CLPTM1: variants seen among roughly 807,000 people sequenced by gnomAD.
The protein encoded by CLPTM1 is putative lipid scramblase CLPTM1.
Under a neutral mutation model 77.3 loss-of-function variants are expected in CLPTM1, and 21 were observed. The observed-to-expected ratio is 0.27, with a 90% CI of 0.19 to 0.39. The LOEUF (loss-of-function observed/expected upper bound fraction) is 0.39. Among genes scored for constraint, CLPTM1 ranks in the 10% least tolerant of loss-of-function variants. The probability of loss-of-function intolerance (pLI) is 1.00; values close to 1 mark genes in which losing one functional copy is unlikely to be tolerated. For synonymous variants in CLPTM1, 373 were observed against 381.0 expected (o/e 0.98, Z 0.24); for missense variants, 642 against 921.2 (o/e 0.70, Z 3.92).
rs146548818 is a variant in CLPTM1 at position 44,990,191 on chromosome 19, G to C, written c.1133-204G>C. On this transcript the variant is annotated intron_variant, in intron 9 of 13. Coordinates refer to ENST00000337392, the MANE Select transcript of CLPTM1 (RefSeq NM_001294.4). The surrounding 1 kb of genome is among the most constrained non-coding windows in gnomAD (Gnocchi z 4.8). ...GCTGACGTCCTATGGGAGGGCTCCA[G>C]GGGTGCCGCCTGTCTGGTGCTCTGG... is the stretch of plus-strand genomic sequence containing the variant. 320 of 587,980 alleles carry C rather than the reference G, an allele frequency of 5.4e-4. 5 individuals are homozygous for C. In the East Asian group the frequency reaches 8.7e-3, roughly 16 times the overall value. The allele number at this position is 587,980 out of a possible 1,614,324, so 36.4% of individuals were successfully genotyped here. A position where few individuals can be genotyped will look rare whatever the true frequency, so the allele number is the denominator to read the frequency against.
chr19:44,991,079 G>T lies in CLPTM1; in HGVS notation c.1419+134G>T. On this transcript the variant is annotated intron_variant, in intron 11 of 13. Coordinates refer to ENST00000337392, the MANE Select transcript of CLPTM1 (RefSeq NM_001294.4). This position sits in a 1 kb window ranked among gnomAD's most constrained non-coding sequence, Gnocchi z 5.4. Reference sequence around the variant, plus strand: ...GCCACATCCTCTGTGTCCCCCATCTGCCATAACTGCTTCCCTGGGCGAGTC... The same window carrying T: ...GCCACATCCTCTGTGTCCCCCATCTTCCATAACTGCTTCCCTGGGCGAGTC... The T allele has an allele frequency of 5.7e-6, 7 of 1,231,400 alleles. No individual in the cohort carries two copies. Among genetic ancestry groups the T allele is most frequent in the Non-Finnish European group, 7.6e-6 (7 of 915,530 alleles). 76.3% of individuals were successfully genotyped at this position (1,231,400 alleles called of 1,614,324 possible).
chr19:44,993,172 G>C lies in CLPTM1; in HGVS notation c.*275G>C, dbSNP rs561909227. On this transcript the variant is annotated 3_prime_UTR_variant, in exon 14 of 14. Coordinates refer to ENST00000337392, the MANE Select transcript of CLPTM1 (RefSeq NM_001294.4). Reference sequence around the variant, plus strand: ...GGAATCATGGTGAAGCTGATGCAGCGTTGCCGAGGGGGTGGGTTGGGCGGG... The same window carrying C: ...GGAATCATGGTGAAGCTGATGCAGCCTTGCCGAGGGGGTGGGTTGGGCGGG... 7.4e-5 allele frequency: 34 copies of C among 461,640 alleles called. 1 individual carries two copies. The highest frequency in any genetic ancestry group is 4.8e-4 in the African/African-American group (22 of 45,424). 28.6% of individuals were successfully genotyped at this position (461,640 alleles called of 1,614,324 possible). A position where few individuals can be genotyped will look rare whatever the true frequency, so the allele number is the denominator to read the frequency against.
chr19:44,962,199 T>C, intron 2 of CLPTM1, 124 bp downstream of exon 2: 1 of 203,356 alleles, frequency 4.9e-6, no homozygotes, highest in Non-Finnish European at 9.3e-6. Flanking sequence ...GCTTTTTTTC[T>C]TTTTTTTTTT....
At position 44,991,481 on chromosome 19, in the gene CLPTM1, G is replaced by T; in HGVS notation, c.1555+108G>T. Reference sequence around the variant, plus strand: ...CCCAGACAGGGACAACCTAGGGTGGGCAGAGCTGGGATATAGGGAGGCCCG... The same window carrying T: ...CCCAGACAGGGACAACCTAGGGTGGTCAGAGCTGGGATATAGGGAGGCCCG... On this transcript the variant is annotated intron_variant, in intron 12 of 13. Coordinates refer to ENST00000337392, the MANE Select transcript of CLPTM1 (RefSeq NM_001294.4). This position sits in a 1 kb window ranked among gnomAD's most constrained non-coding sequence, Gnocchi z 5.4. The T allele has an allele frequency of 7.1e-7, 1 of 1,409,724 alleles. No individual in the cohort carries two copies. The highest frequency in any genetic ancestry group is 1.3e-5 in the South Asian group (1 of 78,904). 87.3% of individuals were successfully genotyped at this position (1,409,724 alleles called of 1,614,324 possible).
rs1353938569 is a variant in CLPTM1, at chr19:44,974,560, G to T, written c.431G>T (p.Gly144Val). 1 of 1,614,152 alleles carries T rather than the reference G, an allele frequency of 6.2e-7. No homozygotes were observed. The highest frequency in any genetic ancestry group is 8.5e-7 in the Non-Finnish European group (1 of 1,180,018). Reference sequence around the variant, plus strand: ...TGGACTAGCGGCGAGAACTCAGACGGCTGCTACGAGCACTTTGCTGAGCTC... The same window carrying T: ...TGGACTAGCGGCGAGAACTCAGACGTCTGCTACGAGCACTTTGCTGAGCTC... ...GDWTSGENSD[G>V]CYEHFAELDI... The change falls in exon 4 of 14, where the codon GGC becomes GTC. Residue 144 changes from glycine to valine, a missense_variant. Gly to Val is a moderately radical substitution (Grantham distance 109). Transcript: ENST00000337392.
rs976695095 is a variant in CLPTM1 at position 44,991,926 on chromosome 19, A to G, written c.1556-307A>G. On this transcript the variant is annotated intron_variant, in intron 12 of 13. Transcript: ENST00000337392. This position sits in a 1 kb window ranked among gnomAD's most constrained non-coding sequence, Gnocchi z 5.4. ...TCTCAAAAAACAAAAGACCGGGTGA[A>G]TCACAGCCAATAGTGAGTACTGTGA... is the stretch of plus-strand genomic sequence containing the variant. 3.3e-5 allele frequency among the ~76,000 whole-genome samples: 5 copies of G among 152,070 alleles called. No individual in the cohort carries two copies. Among genetic ancestry groups the G allele is most frequent in the Non-Finnish European group, 7.4e-5 (5 of 68,014 alleles).
At chr19:44,967,215 A>G (rs1365029316) in intron 2 of CLPTM1, among the ~76,000 whole-genome samples, 1 of 152,156 alleles carries the variant, frequency 6.6e-6, no homozygotes, top group Non-Finnish European at 1.5e-5. Flanking sequence ...GCTATTAGGG[A>G]GGCCGAAGAG....
At chr19:44,955,089 G>C, upstream of CLPTM1, 3 of 1,535,734 alleles carry the variant, frequency 2.0e-6, no homozygotes, top group Non-Finnish European at 2.6e-6. Context: ...CGAAAAGGCG[G>C]GTTAATGTGA....
chr19:44,973,290 C>G, intron 3 of CLPTM1, 80 bp downstream of exon 3: 1 of 1,588,366 alleles, frequency 6.3e-7, no homozygotes, highest in Non-Finnish European at 8.6e-7. Context: ...TGTCAGCAGT[C>G]GGGACAGACC....
intron 2 of CLPTM1, among the ~76,000 whole-genome samples, chr19:44,962,490 T>G (rs1377748049): frequency 6.6e-6 from 1 of 152,172 alleles, no homozygotes; most frequent in Non-Finnish European, 1.5e-5. Context: ...GCTTCTCTCC[T>G]GGGCTTGCAG....
At chr19:44,955,195 G>A (rs1278746060), upstream of CLPTM1, 13 of 1,533,062 alleles carry the variant, frequency 8.5e-6, no homozygotes, top group African/African-American at 1.4e-5. Context: ...GGAAACAAAC[G>A]GGCTGGGAGA....
intron 3 of CLPTM1, 143 bp downstream of exon 3, chr19:44,973,353 C>A: frequency 9.3e-7 from 1 of 1,071,440 alleles, no homozygotes; most frequent in Non-Finnish European, 1.3e-6. Context: ...TTGAGGAACT[C>A]TGGGCCCATC....
At chr19:44,955,847 G>A in intron 1 of CLPTM1, 1 of 202,824 alleles carries the variant, frequency 4.9e-6, no homozygotes, top group Non-Finnish European at 9.9e-6. Flanking sequence ...TGAGGTGTGC[G>A]CAGTGATTAA....
rs544159737 is a variant in CLPTM1, at chr19:44,969,235, T to C, written c.186-3852T>C. On this transcript the variant is annotated intron_variant, in intron 2 of 13. Transcript: ENST00000337392. ...TATAATTTAATGTGTTTAATGCTTA[T>C]AAACTACCCTATGAGAGTAGGCACT... Among the ~76,000 whole-genome samples the C allele has an allele frequency of 7.9e-5, 12 of 152,308 alleles. No individual in the cohort carries two copies. The South Asian group carries it at 2.3e-3, about 29-fold the overall frequency.
chr19:44,967,572 G>A (rs764695095), intron 2 of CLPTM1, among the ~76,000 whole-genome samples: 20 of 151,778 alleles, frequency 1.3e-4, no homozygotes, highest in South Asian at 4.2e-4. Context: ...CAGGAGAATC[G>A]CTTGAACCCG....
At chr19:44,982,234 G>A (rs73558195) in intron 5 of CLPTM1, among the ~76,000 whole-genome samples, 14,560 of 151,712 alleles carry the variant, frequency 0.096, 1,164 homozygotes, top group African/African-American at 0.22. Flanking sequence ...TTGTAATTCC[G>A]TCTACTCGGG....
intron 2 of CLPTM1, among the ~76,000 whole-genome samples, chr19:44,963,987 C>A (rs886237690): frequency 6.7e-5 from 10 of 150,154 alleles, no homozygotes; most frequent in Non-Finnish European, 1.2e-4. Flanking sequence ...AGGCTGGTCT[C>A]GAACTCCTGA....
At chr19:44,978,362 G>A (rs1390239337) in intron 5 of CLPTM1, among the ~76,000 whole-genome samples, 4 of 148,172 alleles carry the variant, frequency 2.7e-5, no homozygotes, top group South Asian at 2.1e-4. Context: ...CTGAGATCAC[G>A]CCATTGCACT....
Position 44,991,052 on chromosome 19 carries a change from G to T in CLPTM1, c.1419+107G>T, listed in dbSNP as rs1465539653. On this transcript the variant is annotated intron_variant, in intron 11 of 13. Transcript: ENST00000337392. The surrounding 1 kb of genome is among the most constrained non-coding windows in gnomAD (Gnocchi z 5.4). ...CTGCCGGACCCATGCTTTACAGCCTGTGCCACATCCTCTGTGTCCCCCATC... is the reference window on the plus strand; with the variant it reads ...CTGCCGGACCCATGCTTTACAGCCTTTGCCACATCCTCTGTGTCCCCCATC... The T allele has an allele frequency of 9.2e-6, 12 of 1,298,914 alleles. No homozygotes were observed. The highest frequency in any genetic ancestry group is 2.9e-5 in the African/African-American group (2 of 68,314). 80.5% of individuals were successfully genotyped at this position (1,298,914 alleles called of 1,614,324 possible).
Sources: gnomAD v4.1 joint callset for allele counts (sites outside exome capture counted in the v4.1 genomes callset) on GRCh38, gnomAD v4.1.1 for gene constraint, Gnocchi (gnomAD v3.1) non-coding constraint, MANE v1.5 for transcripts, NCBI Gene and HGNC (gene_info 2026-07-23, HGNC 2026-07-21) for gene names.